The following FBXL7 variants were observed in gnomAD, a reference collection of about 807,000 sequenced individuals.
The protein encoded by FBXL7 is F-box and leucine rich repeat protein 7, also known as F-box/LRR-repeat protein 7.
Under a neutral mutation model 38.3 loss-of-function variants are expected in FBXL7, and 12 were observed. The observed-to-expected ratio is 0.31, with a 90% CI of 0.20 to 0.51. FBXL7 has a LOEUF of 0.51. Ranked by LOEUF, FBXL7 falls within the 20% of genes least tolerant of loss-of-function variation. The pLI is 0.98. For synonymous variants in FBXL7, 297 were observed against 300.9 expected (o/e 0.99, Z 0.13); for missense variants, 567 against 676.4 (o/e 0.84, Z 1.79).
intron 1 of FBXL7, among the ~76,000 whole-genome samples, chr5:15,540,112 A>G (rs1737702412): frequency 1.3e-5 from 2 of 152,170 alleles, no homozygotes; most frequent in Admixed American, 6.5e-5. Flanking sequence ...TCAACAAGGA[A>G]AATATCATGC....
At chr5:15,612,772 C>A (rs1462924406) in intron 1 of FBXL7, among the ~76,000 whole-genome samples, 1 of 152,120 alleles carries the variant, frequency 6.6e-6, no homozygotes, top group South Asian at 2.1e-4. Context: ...GGAAGGGTTC[C>A]CTGAGTTCGA....
intron 2 of FBXL7, among the ~76,000 whole-genome samples, chr5:15,677,243 G>A (rs969485112): frequency 6.6e-6 from 1 of 152,188 alleles, no homozygotes; most frequent in Non-Finnish European, 1.5e-5. Context: ...GCCAAGGCGG[G>A]CAGATCTCTT....
At chr5:15,550,982 T>C (rs527457757) in intron 1 of FBXL7, among the ~76,000 whole-genome samples, 1 of 152,358 alleles carries the variant, frequency 6.6e-6, no homozygotes, top group Non-Finnish European at 1.5e-5. Flanking sequence ...CTTTTGGCCA[T>C]GCAAAACAGG....
intron 2 of FBXL7, among the ~76,000 whole-genome samples, chr5:15,688,268 G>A (rs1326072405): frequency 2.0e-5 from 3 of 152,168 alleles, no homozygotes; most frequent in Non-Finnish European, 4.4e-5. Context: ...TTGGGGATGG[G>A]AACCATTGAT....
chr5:15,510,129 A>C (rs1387508864), intron 1 of FBXL7, among the ~76,000 whole-genome samples: 1 of 152,236 alleles, frequency 6.6e-6, no homozygotes, highest in African/African-American at 2.4e-5. Flanking sequence ...TAACAAAATG[A>C]AAAACAGTTG....
At chr5:15,562,156 A>C (rs1738431964) in intron 1 of FBXL7, among the ~76,000 whole-genome samples, 1 of 152,172 alleles carries the variant, frequency 6.6e-6, no homozygotes, top group Non-Finnish European at 1.5e-5. Flanking sequence ...AAAATGTAAC[A>C]TTCTTAGAAT....
intron 2 of FBXL7, among the ~76,000 whole-genome samples, chr5:15,629,237 C>T (rs369747827): frequency 6.6e-5 from 10 of 152,116 alleles, no homozygotes; most frequent in East Asian, 1.9e-4. Flanking sequence ...ATTGCACCAC[C>T]GCACTTCAGC....
rs1014412293 is a variant in FBXL7 at position 15,789,206 on chromosome 5, CT to C, written c.128-138675del. ...GCCAGTGCTCTACAAGACCTCATAT[CT>C]TTTTTTTTGTTGTTGTTAGCAGCCA... On this transcript the variant is annotated intron_variant, in intron 2 of 3. Transcript: ENST00000504595. Among the ~76,000 whole-genome samples the C allele has an allele frequency of 7.5e-4, 113 of 151,528 alleles. 1 individual carries two copies. The highest frequency in any genetic ancestry group is 2.4e-3 in the African/African-American group (98 of 41,362).
chr5:15,936,332 G>A lies in FBXL7; in HGVS notation c.740-118G>A, dbSNP rs1742180166. On this transcript the variant is annotated intron_variant, in intron 3 of 3. Transcript: ENST00000504595. This position sits in a 1 kb window ranked among gnomAD's most constrained non-coding sequence, Gnocchi z 6.0. Reference sequence around the variant, plus strand: ...CTCTATAGAGACCAAGACAGGAAAGGGTAACATCAGCCTCGGACCCAGACT... The same window carrying A: ...CTCTATAGAGACCAAGACAGGAAAGAGTAACATCAGCCTCGGACCCAGACT... 1.6e-6 allele frequency: 2 copies of A among 1,233,694 alleles called. No individual in the cohort carries two copies. Among genetic ancestry groups the A allele is most frequent in the Admixed American group, 5.2e-5 (2 of 38,580 alleles). The allele number at this position is 1,233,694 out of a possible 1,614,324, so 76.4% of individuals were successfully genotyped here. A position where few individuals can be genotyped will look rare whatever the true frequency, so the allele number is the denominator to read the frequency against.
chr5:15,648,246 G>T (rs1208838715), intron 2 of FBXL7, among the ~76,000 whole-genome samples: 1 of 152,120 alleles, frequency 6.6e-6, no homozygotes, highest in Admixed American at 6.6e-5. Context: ...TAGTTTCGTG[G>T]ATCTTATATG....
At chr5:15,864,892 A>G (rs1739637734) in intron 2 of FBXL7, among the ~76,000 whole-genome samples, 1 of 152,180 alleles carries the variant, frequency 6.6e-6, no homozygotes, top group African/African-American at 2.4e-5. Flanking sequence ...ACTAGCCTCA[A>G]CTTAAGATGG....
In FBXL7 at chr5:15,649,697, CT is replaced by C. The variant is rs34675600; in HGVS notation, c.127+33637del. Among the ~76,000 whole-genome samples, 1,368 of 146,096 alleles carry C rather than the reference CT, an allele frequency of 9.4e-3. 59 individuals are homozygous for C. The highest frequency in any genetic ancestry group is 0.069 in the Admixed American group (1,012 of 14,716). On this transcript the variant is annotated intron_variant, in intron 2 of 3. Coordinates refer to ENST00000504595, the MANE Select transcript of FBXL7 (RefSeq NM_012304.5). ...CTGCAAATCTTTAAATCTTTCTTTT[CT>C]TTTTTTTTTTTGTACCTCACTATGT...
At chr5:15,863,404 T>A (rs1023002739) in intron 2 of FBXL7, among the ~76,000 whole-genome samples, 29 of 152,220 alleles carry the variant, frequency 1.9e-4, no homozygotes, top group African/African-American at 7.0e-4. Context: ...TATAGAGTTA[T>A]ATTCACATAA....
chr5:15,671,366 C>CT (rs528453665), intron 2 of FBXL7, among the ~76,000 whole-genome samples: 384 of 152,228 alleles, frequency 2.5e-3, no homozygotes, highest in Non-Finnish European at 3.4e-3. Context: ...GATATTTTCT[C>CT]TAACATTTTT....
rs371513091 is a variant in FBXL7 at position 15,615,996 on chromosome 5, G to C, written c.51G>C (p.Ser17=). The change falls in exon 2 of 4, where the codon TCG becomes TCC. Residue 17 remains serine (S), a synonymous_variant. Coordinates refer to ENST00000504595, the MANE Select transcript of FBXL7 (RefSeq NM_012304.5). ...KQYGSEGKGS[S]SISSDVSSST... is the part of the protein sequence containing the mutation. ...TGTTTCTTCCAGGCAAAGGCAGCTC[G>C]AGCATCTCATCTGACGTGAGTTCAA... 6.2e-6 allele frequency: 10 copies of C among 1,612,304 alleles called. No individual in the cohort carries two copies. Among genetic ancestry groups the C allele is most frequent in the Non-Finnish European group, 8.5e-6 (10 of 1,178,940 alleles).
At position 15,584,062 on chromosome 5, in the gene FBXL7, C is replaced by T. The variant is rs573875228; in HGVS notation, c.38-31921C>T. Reference sequence around the variant, plus strand: ...GCACTCTCTGAAGCAGTGGCTCGAGCTGTACCTTGACCCCTTTTAACCGCA... The same window carrying T: ...GCACTCTCTGAAGCAGTGGCTCGAGTTGTACCTTGACCCCTTTTAACCGCA... On this transcript the variant is annotated intron_variant, in intron 1 of 3. Transcript: ENST00000504595. Among the ~76,000 whole-genome samples, 251 of 152,302 alleles carry T rather than the reference C, an allele frequency of 1.6e-3. 1 individual carries two copies. The highest frequency in any genetic ancestry group is 5.7e-3 in the African/African-American group (239 of 41,578).
chr5:15,938,026 C>CAGGAGATTGTG lies in FBXL7; in HGVS notation c.*840_*841insAGGAGATTGTG, dbSNP rs1742249099. 6.6e-6 allele frequency: 1 copy of CAGGAGATTGTG among 152,222 alleles called. No individual in the cohort carries two copies. Among genetic ancestry groups the CAGGAGATTGTG allele is most frequent in the Non-Finnish European group, 1.5e-5 (1 of 68,066 alleles). 9.4% of individuals were successfully genotyped at this position (152,222 alleles called of 1,614,324 possible). A position where few individuals can be genotyped will look rare whatever the true frequency, so the allele number is the denominator to read the frequency against. On this transcript the variant is annotated 3_prime_UTR_variant, in exon 4 of 4. Transcript: ENST00000504595. Reference sequence around the variant, plus strand: ...TGTGATTTCAGGAGATTGTGCAGTGCCAGCATCAGTGCATAAAGGGTCCTG... The same window carrying CAGGAGATTGTG: ...TGTGATTTCAGGAGATTGTGCAGTGCAGGAGATTGTGCAGCATCAGTGCATAAAGGGTCCTG...
chr5:15,867,389 C>G (rs1261856592), intron 2 of FBXL7, among the ~76,000 whole-genome samples: 1 of 152,150 alleles, frequency 6.6e-6, no homozygotes, highest in East Asian at 1.9e-4. Flanking sequence ...CTTGACAGTC[C>G]TTCAGTCTAA....
rs922004535 is a variant in FBXL7 at position 15,937,702 on chromosome 5, C to T, written c.*516C>T. On this transcript the variant is annotated 3_prime_UTR_variant, in exon 4 of 4. Transcript: ENST00000504595. ...CATGGACATTCTTGTCAACTCAATA[C>T]CATAGCACTTTGCATAGGCAAAATA... The T allele has an allele frequency of 1.9e-5, 3 of 155,084 alleles. No homozygotes were observed. Among genetic ancestry groups the T allele is most frequent in the Non-Finnish European group, 4.3e-5 (3 of 69,940 alleles). The allele number at this position is 155,084 out of a possible 1,614,324, so 9.6% of individuals were successfully genotyped here.
Sources: gnomAD v4.1 joint callset for allele counts (sites outside exome capture counted in the v4.1 genomes callset) on GRCh38, gnomAD v4.1.1 for gene constraint, Gnocchi (gnomAD v3.1) non-coding constraint, MANE v1.5 for transcripts, NCBI Gene and HGNC (gene_info 2026-07-23, HGNC 2026-07-21) for gene names.